The following PCDH15 variants were observed in gnomAD, a reference collection of about 807,000 sequenced individuals.
PCDH15 encodes protocadherin related 15.
A neutral mutation model predicts 178.5 loss-of-function variants in PCDH15; 129 were observed. That is an observed-to-expected ratio of 0.72 (90% confidence interval 0.63 to 0.84). The LOEUF is 0.84. Ranked by LOEUF, PCDH15 falls within the 40% of genes least tolerant of loss-of-function variation. The pLI, the probability that PCDH15 is intolerant of heterozygous loss-of-function variation, is 0.00. For missense variants in PCDH15, 2,230 were observed against 2,099.9 expected (o/e 1.06, Z -1.21); for synonymous variants, 800 against 732.0 (o/e 1.09, Z -1.50).
intron 13 of PCDH15, among the ~76,000 whole-genome samples, chr10:54,155,038 T>C (rs1183102663): frequency 6.6e-6 from 1 of 152,202 alleles, no homozygotes; most frequent in Non-Finnish European, 1.5e-5. Flanking sequence ...CTTAAATCAC[T>C]TAAAATGTCT....
intron 2 of PCDH15, among the ~76,000 whole-genome samples, chr10:55,347,599 G>A (rs1461674446): frequency 6.6e-6 from 1 of 152,150 alleles, no homozygotes; most frequent in Non-Finnish European, 1.5e-5. Flanking sequence ...TCTATTTCAT[G>A]TAAATTAATT....
chr10:55,167,220 T>C (rs1573226), intron 1 of PCDH15, among the ~76,000 whole-genome samples: 151,451 of 152,242 alleles, frequency 0.99, 75,340 homozygotes, highest in East Asian at 1. Flanking sequence ...CTCAAGCTAT[T>C]CTCCCACCTC....
chr10:54,233,699 C>T (rs1385959784), intron 9 of PCDH15, among the ~76,000 whole-genome samples: 1 of 152,204 alleles, frequency 6.6e-6, no homozygotes, highest in East Asian at 1.9e-4. Context: ...TGCAGAGTTT[C>T]AAGGTTAGTC....
intron 1 of PCDH15, among the ~76,000 whole-genome samples, chr10:54,788,063 G>A (rs1469700944): frequency 6.6e-6 from 1 of 151,706 alleles, no homozygotes; most frequent in Non-Finnish European, 1.5e-5. Flanking sequence ...AATAGGAAGG[G>A]TGACCATCAG....
At chr10:55,078,754 T>C (rs1841969944) in intron 2 of PCDH15, among the ~76,000 whole-genome samples, 1 of 152,064 alleles carries the variant, frequency 6.6e-6, no homozygotes, top group Non-Finnish European at 1.5e-5. Context: ...ACCAAATACG[T>C]AGTCTTTTAT....
chr10:55,325,240 C>T (rs540722068), intron 2 of PCDH15, among the ~76,000 whole-genome samples: 6 of 151,948 alleles, frequency 3.9e-5, no homozygotes, highest in Middle Eastern at 3.4e-3. Context: ...TCATATGGAA[C>T]CAAAAAAAGC....
intron 2 of PCDH15, among the ~76,000 whole-genome samples, chr10:55,066,180 A>G (rs4007192): frequency 0.98 from 148,480 of 151,498 alleles, 72,781 homozygotes; most frequent in Middle Eastern, 1. Context: ...TCTTAACAGC[A>G]GTTCTCTCTT....
At chr10:55,231,198 A>T (rs1164306531) in intron 1 of PCDH15, among the ~76,000 whole-genome samples, 2 of 152,044 alleles carry the variant, frequency 1.3e-5, no homozygotes, top group Non-Finnish European at 2.9e-5. Flanking sequence ...AGCAACAAAA[A>T]TTGAATCTGG....
chr10:54,742,298 A>G (rs1037279174), intron 1 of PCDH15, among the ~76,000 whole-genome samples: 4 of 152,068 alleles, frequency 2.6e-5, no homozygotes, highest in Middle Eastern at 6.8e-3. Flanking sequence ...AGTCTCACTT[A>G]TTCCTACAGT....
chr10:55,154,824 C>A (rs764633883), intron 2 of PCDH15, among the ~76,000 whole-genome samples: 2 of 152,118 alleles, frequency 1.3e-5, no homozygotes, highest in Non-Finnish European at 2.9e-5. Flanking sequence ...CTCTTTACAT[C>A]AATGTAAATA....
At chr10:54,999,565 G>A (rs1591827789) in intron 2 of PCDH15, among the ~76,000 whole-genome samples, 1 of 152,300 alleles carries the variant, frequency 6.6e-6, no homozygotes, top group African/African-American at 2.4e-5. Context: ...AGTGGCTGCT[G>A]TAAGGATGCT....
intron 2 of PCDH15, among the ~76,000 whole-genome samples, chr10:55,024,215 AAT>A (rs1217380273): frequency 6.8e-6 from 1 of 147,312 alleles, no homozygotes; most frequent in Non-Finnish European, 1.5e-5. Context: ...AATAGGAAGG[AAT>A]ATATATTTCT....
intron 2 of PCDH15, among the ~76,000 whole-genome samples, chr10:55,500,454 A>G (rs964861558): frequency 6.6e-6 from 1 of 151,784 alleles, no homozygotes; most frequent in African/African-American, 2.4e-5. Context: ...TTTCCTATTG[A>G]GTGTTGAAGT....
chr10:54,268,663 A>G (rs994855700), intron 8 of PCDH15, among the ~76,000 whole-genome samples: 8 of 151,898 alleles, frequency 5.3e-5, no homozygotes, highest in African/African-American at 1.9e-4. Flanking sequence ...GGGACACAAG[A>G]AAAATCTTTA....
At chr10:54,866,808 A>C (rs558982291) in intron 3 of PCDH15, among the ~76,000 whole-genome samples, 2 of 152,278 alleles carry the variant, frequency 1.3e-5, no homozygotes, top group Admixed American at 1.3e-4. Context: ...GAAATTAACA[A>C]CTTGGCATCT....
In PCDH15 at chr10:54,762,828, T is replaced by C. The variant is rs553003409; in HGVS notation, c.-29+38097A>G. ...ATGAAAGAAATATTTCATAATTGCA[T>C]TCATACATTTGAACTGTTTATACAT... On this transcript the variant is annotated intron_variant, in intron 1 of 37. Coordinates refer to ENST00000644397, the MANE Select transcript of PCDH15 (RefSeq NM_001384140.1). Among the ~76,000 whole-genome samples the C allele has an allele frequency of 6.7e-4, 102 of 152,304 alleles. 1 individual carries two copies. The highest frequency in any genetic ancestry group is 2.3e-3 in the African/African-American group (94 of 41,570).
At chr10:54,302,325 G>A (rs1271196788) in intron 8 of PCDH15, among the ~76,000 whole-genome samples, 1 of 152,134 alleles carries the variant, frequency 6.6e-6, no homozygotes, top group Non-Finnish European at 1.5e-5. Context: ...GGTAAAACTT[G>A]TGTGAGACAC....
At chr10:54,629,548 C>A (rs1159161939) in intron 2 of PCDH15, among the ~76,000 whole-genome samples, 1 of 152,086 alleles carries the variant, frequency 6.6e-6, no homozygotes, top group East Asian at 1.9e-4. Flanking sequence ...TTCGACATCT[C>A]TTTATGATAA....
chr10:54,155,778 AGAGT>A (rs1267115863), intron 13 of PCDH15, among the ~76,000 whole-genome samples: 1 of 150,588 alleles, frequency 6.6e-6, no homozygotes, highest in African/African-American at 2.5e-5. Context: ...GCCTGGCAAC[AGAGT>A]GAGACTCTTA....
Sources: allele counts gnomAD v4.1 joint callset (sites outside exome capture counted in the v4.1 genomes callset), GRCh38; gene constraint gnomAD v4.1.1; transcripts MANE v1.5; gene names NCBI Gene and HGNC (gene_info 2026-07-23, HGNC 2026-07-21).